Variants in ADCY5 observed in about 807,000 individuals in gnomAD.
ADCY5 encodes the protein adenylate cyclase 5.
Under a neutral mutation model 119.7 loss-of-function variants are expected in ADCY5, and 30 were observed. The ratio of observed to expected loss-of-function variants is 0.25; its 90% CI spans 0.19 to 0.34. The LOEUF (loss-of-function observed/expected upper bound fraction) is 0.34, where lower values mean the gene tolerates loss of function less well. Ranked by LOEUF, ADCY5 falls within the 10% of genes least tolerant of loss-of-function variation. The pLI, the probability that ADCY5 is intolerant of heterozygous loss-of-function variation, is 1.00. For missense variants in ADCY5, 1,324 were observed against 1,775.2 expected (o/e 0.75, Z 4.57); for synonymous variants, 753 against 762.2 (o/e 0.99, Z 0.20).
chr3:123,306,083 C>T (rs780170905), intron 12 of ADCY5, among the ~76,000 whole-genome samples: 2 of 152,138 alleles, frequency 1.3e-5, no homozygotes, highest in Non-Finnish European at 2.9e-5. Context: ...ATAAAGGAGA[C>T]CCTCTGGGAT....
chr3:123,345,564 T>A (rs995095132), intron 3 of ADCY5, among the ~76,000 whole-genome samples: 3 of 152,102 alleles, frequency 2.0e-5, no homozygotes, highest in South Asian at 2.1e-4. Context: ...GGCTCGTATA[T>A]GTTGGGACCA....
chr3:123,307,926 T>C (rs542435145), intron 12 of ADCY5, among the ~76,000 whole-genome samples: 40 of 150,642 alleles, frequency 2.7e-4, no homozygotes, highest in African/African-American at 9.8e-4. Flanking sequence ...AAAAAATCAG[T>C]GTTAGATGTG....
chr3:123,371,513 G>A (rs34970607), intron 1 of ADCY5, among the ~76,000 whole-genome samples: 29,879 of 152,296 alleles, frequency 0.2, 3,305 homozygotes, highest in Admixed American at 0.27. Context: ...ACCAGGCACA[G>A]GCCTGGGTGC....
At chr3:123,314,380 C>T (rs1940777215) in intron 11 of ADCY5, 58 bp from the exon 12 acceptor site, 1 of 1,378,924 alleles carries the variant, frequency 7.3e-7, no homozygotes, top group African/African-American at 1.4e-5. Context: ...GCTGCAGCTT[C>T]TGGGGGACCT....
chr3:123,311,150 AG>A (rs1940551431), intron 12 of ADCY5, among the ~76,000 whole-genome samples: 1 of 152,270 alleles, frequency 6.6e-6, no homozygotes, highest in Admixed American at 6.5e-5. Context: ...GGGGTAATTT[AG>A]GAACTGTCGC....
At position 123,390,957 on chromosome 3, in the gene ADCY5, T is replaced by A. The variant is rs533759234; in HGVS notation, c.1135-38376A>T. On this transcript the variant is annotated intron_variant, in intron 1 of 20. Coordinates refer to ENST00000462833, the MANE Select transcript of ADCY5 (RefSeq NM_183357.3). ...GGCCTCCCTCTTCCCTGGAATAAGG[T>A]GCCTAAAGCTGACTTTGGAAAACCA... is the stretch of plus-strand genomic sequence containing the variant. Among the ~76,000 whole-genome samples, 176 of 128,122 alleles carry A rather than the reference T, an allele frequency of 1.4e-3. 3 individuals carry two copies. Among genetic ancestry groups the A allele is most frequent in the East Asian group, 4.6e-4 (2 of 4,394 alleles). The allele number at this position is 128,122 out of a possible 152,430, so 84.1% of individuals were successfully genotyped here.
chr3:123,396,932 C>T (rs1377432156), intron 1 of ADCY5, among the ~76,000 whole-genome samples: 1 of 152,122 alleles, frequency 6.6e-6, no homozygotes, highest in Non-Finnish European at 1.5e-5. Flanking sequence ...ACTTCACACA[C>T]ATGCCTCACC....
chr3:123,297,179 G>C lies in ADCY5; in HGVS notation c.2930+174C>G, dbSNP rs894370263. The C allele has an allele frequency of 3.3e-5, 44 of 1,339,480 alleles. 1 individual carries two copies. Among genetic ancestry groups the C allele is most frequent in the Non-Finnish European group, 4.3e-5 (41 of 955,490 alleles). The allele number at this position is 1,339,480 out of a possible 1,614,324, so 83.0% of individuals were successfully genotyped here. The stretch of plus-strand genomic sequence containing the variant: ...GATCATGAAAGTGACCAGGGCCTCT[G>C]CCCCCCGAGGACGCCTTGCTACCCC... On this transcript the variant is annotated intron_variant, in intron 16 of 20. Transcript: ENST00000462833.
At chr3:123,330,143 T>G (rs1941691790) in intron 5 of ADCY5, among the ~76,000 whole-genome samples, 1 of 152,234 alleles carries the variant, frequency 6.6e-6, no homozygotes, top group African/African-American at 2.4e-5. Context: ...TGGGGACACT[T>G]GGCAAGTGCT....
At chr3:123,356,640 T>C (rs1456006208) in intron 1 of ADCY5, among the ~76,000 whole-genome samples, 1 of 152,164 alleles carries the variant, frequency 6.6e-6, no homozygotes, top group East Asian at 1.9e-4. Flanking sequence ...CACACACTAT[T>C]AGAATGGCTG....
intron 1 of ADCY5, among the ~76,000 whole-genome samples, chr3:123,381,223 C>T (rs920657789): frequency 6.6e-6 from 1 of 152,216 alleles, no homozygotes; most frequent in African/African-American, 2.4e-5. Flanking sequence ...TCACTTTTCC[C>T]TTTTATCAGA....
At chr3:123,309,304 GA>G (rs1311220854) in intron 12 of ADCY5, among the ~76,000 whole-genome samples, 3 of 151,952 alleles carry the variant, frequency 2.0e-5, no homozygotes, top group Non-Finnish European at 4.4e-5. Flanking sequence ...TCCTACTTCA[GA>G]AAAAGAAAAA....
chr3:123,385,557 G>C (rs1312467767), intron 1 of ADCY5, among the ~76,000 whole-genome samples: 2 of 152,108 alleles, frequency 1.3e-5, no homozygotes, highest in Non-Finnish European at 2.9e-5. Flanking sequence ...GGTGGGAGAG[G>C]AAACCCACCA....
intron 1 of ADCY5, among the ~76,000 whole-genome samples, chr3:123,429,590 A>G (rs900063508): frequency 2.0e-5 from 3 of 152,042 alleles, no homozygotes; most frequent in African/African-American, 7.2e-5. Context: ...TCACAGAAAC[A>G]CAGAGGCTGC....
intron 8 of ADCY5, among the ~76,000 whole-genome samples, chr3:123,323,897 C>T (rs1941347872): frequency 6.6e-6 from 1 of 152,108 alleles, no homozygotes; most frequent in Admixed American, 6.6e-5. Flanking sequence ...CTCTTGACTG[C>T]CCTGATCATG....
At position 123,332,669 on chromosome 3, in the gene ADCY5, C is replaced by A; in HGVS notation, c.1413G>T (p.Leu471=). Residue 471 remains leucine (L), a synonymous_variant, in exon 4 of 21, where the codon CTG becomes CTT. Transcript: ENST00000462833. ...TGGTGAAGCCCTCGATGTCAGCAAA[C>A]AGGATGCTGGGGGACAGGCAGAGGA... The part of the protein sequence containing the change: ...YIQKHDNVSI[L]FADIEGFTSL... The A allele has an allele frequency of 6.2e-7, 1 of 1,609,984 alleles. No homozygotes were observed. Among genetic ancestry groups the A allele is most frequent in the Non-Finnish European group, 8.5e-7 (1 of 1,176,608 alleles).
intron 14 of ADCY5, among the ~76,000 whole-genome samples, chr3:123,301,267 T>C (rs535803215): frequency 1.9e-3 from 291 of 152,322 alleles, no homozygotes; most frequent in Middle Eastern, 6.8e-3. Flanking sequence ...TGCCCTGGGC[T>C]GGGGCAGCCC....
chr3:123,440,468 C>CTTT (rs1945704362), intron 1 of ADCY5, among the ~76,000 whole-genome samples: 1 of 151,884 alleles, frequency 6.6e-6, no homozygotes, highest in Non-Finnish European at 1.5e-5. Context: ...ACCACCCCCC[C>CTTT]TTTCTCTTGT....
rs992798654 is a variant in ADCY5 at position 123,416,128 on chromosome 3, G to A, written c.1134+31284C>T. ...AAGGTGGAAGGGCAAAGGAGAAGGA[G>A]AATCAGCAGAAAGGGACAGGTAGTG... On this transcript the variant is annotated intron_variant, in intron 1 of 20. Coordinates refer to ENST00000462833, the MANE Select transcript of ADCY5 (RefSeq NM_183357.3). 4 of 1,529,084 alleles carry A rather than the reference G, an allele frequency of 2.6e-6. No individual in the cohort carries two copies. In the African/African-American group the frequency reaches 5.5e-5, roughly 21 times the overall value. 94.7% of individuals were successfully genotyped at this position (1,529,084 alleles called of 1,614,324 possible). A position where few individuals can be genotyped will look rare whatever the true frequency, so the allele number is the denominator to read the frequency against.
Sources: gnomAD v4.1 joint callset for allele counts (sites outside exome capture counted in the v4.1 genomes callset) on GRCh38, gnomAD v4.1.1 for gene constraint, MANE v1.5 for transcripts, NCBI Gene and HGNC (gene_info 2026-07-23, HGNC 2026-07-21) for gene names.